The following PDE10A variants were observed in gnomAD, a reference collection of about 807,000 sequenced individuals.
PDE10A encodes the protein phosphodiesterase 10A, also known as cAMP and cAMP-inhibited cGMP 3',5'-cyclic phosphodiesterase 10A.
PDE10A carries 39 observed loss-of-function variants against 97.7 expected under a neutral mutation model. That is an observed-to-expected ratio of 0.40 (90% CI 0.31 to 0.52). PDE10A has a LOEUF of 0.52. Among genes scored for constraint, PDE10A ranks in the 20% least tolerant of loss-of-function variants. The pLI, the probability that PDE10A is intolerant of heterozygous loss-of-function variation, is 0.56. For missense variants in PDE10A, 731 were observed against 1,047.8 expected (o/e 0.70, Z 4.17); for synonymous variants, 371 against 376.8 (o/e 0.98, Z 0.18).
At chr6:165,962,905 G>A (rs1452064951) in intron 1 of PDE10A, among the ~76,000 whole-genome samples, 5 of 152,180 alleles carry the variant, frequency 3.3e-5, no homozygotes, top group Non-Finnish European at 7.3e-5. Context: ...CTGTGGCTTA[G>A]GTGCCATACA....
In PDE10A at chr6:165,413,047, G is replaced by A. The variant is rs1250283439; in HGVS notation, c.2076+454C>T. Among the ~76,000 whole-genome samples the A allele has an allele frequency of 2.6e-5, 4 of 152,182 alleles. No individual in the cohort carries two copies. The East Asian group carries it at 7.8e-4, about 30-fold the overall frequency. ...GACTGAGTTAACACCGAGAATGCAT[G>A]TGACATGGACAACCTGGTGCCTCAC... On this transcript the variant is annotated intron_variant, in intron 13 of 21. Coordinates refer to ENST00000539869, the MANE Select transcript of PDE10A (RefSeq NM_001385079.1).
At chr6:165,570,025 T>C (rs947342318) in intron 1 of PDE10A, among the ~76,000 whole-genome samples, 1 of 152,134 alleles carries the variant, frequency 6.6e-6, no homozygotes, top group African/African-American at 2.4e-5. Context: ...CTAAATTGTG[T>C]TCCTCCAAAA....
chr6:165,670,345 A>T (rs1426122096), intron 1 of PDE10A, among the ~76,000 whole-genome samples: 2 of 152,202 alleles, frequency 1.3e-5, no homozygotes, highest in Non-Finnish European at 2.9e-5. Flanking sequence ...AAAATACAGG[A>T]AACAAAGGGT....
chr6:165,672,259 A>G (rs1482966263), intron 1 of PDE10A, among the ~76,000 whole-genome samples: 1 of 152,234 alleles, frequency 6.6e-6, no homozygotes, highest in African/African-American at 2.4e-5. Flanking sequence ...ACCTTTAAGA[A>G]TACAGACGCT....
At chr6:165,973,344 C>T (rs971141639) in intron 1 of PDE10A, among the ~76,000 whole-genome samples, 7 of 151,302 alleles carry the variant, frequency 4.6e-5, no homozygotes, top group Admixed American at 3.3e-4. Flanking sequence ...ACCCGGGAGG[C>T]GGAGGTGGCA....
At chr6:165,357,833 GCTTT>G (rs1244431958) in intron 18 of PDE10A, among the ~76,000 whole-genome samples, 6 of 151,786 alleles carry the variant, frequency 4.0e-5, no homozygotes, top group Non-Finnish European at 8.8e-5. Flanking sequence ...TCTGTTGCTT[GCTTT>G]ATGTTTTATT....
chr6:165,581,454 A>T (rs924851196), intron 1 of PDE10A, among the ~76,000 whole-genome samples: 1 of 152,120 alleles, frequency 6.6e-6, no homozygotes, highest in African/African-American at 2.4e-5. Context: ...CTCTCAAAAC[A>T]TTTCTCTTGT....
At chr6:165,976,920 G>A (rs182535202) in intron 1 of PDE10A, among the ~76,000 whole-genome samples, 38 of 152,298 alleles carry the variant, frequency 2.5e-4, no homozygotes, top group African/African-American at 6.3e-4. Flanking sequence ...CCTGTGCACC[G>A]GAAGCCTTGG....
chr6:165,639,692 T>C (rs1033111929), intron 1 of PDE10A, among the ~76,000 whole-genome samples: 1 of 146,800 alleles, frequency 6.8e-6, no homozygotes, highest in Non-Finnish European at 1.5e-5. Context: ...GGAGCCGAGG[T>C]TGCACCATTG....
chr6:165,384,492 A>G (rs1223082304), intron 17 of PDE10A, among the ~76,000 whole-genome samples: 4 of 152,010 alleles, frequency 2.6e-5, no homozygotes, highest in Non-Finnish European at 5.9e-5. Flanking sequence ...TCATGACTTA[A>G]TCTCTTCCCA....
At chr6:165,409,184 A>G (rs1436522372) in intron 13 of PDE10A, among the ~76,000 whole-genome samples, 1 of 149,870 alleles carries the variant, frequency 6.7e-6, no homozygotes, top group Non-Finnish European at 1.5e-5. Flanking sequence ...AAAAAAAAAG[A>G]AAAAAGGTAA....
chr6:165,981,746 C>T (rs948613724), intron 1 of PDE10A, among the ~76,000 whole-genome samples: 12 of 152,178 alleles, frequency 7.9e-5, no homozygotes, highest in Non-Finnish European at 8.8e-5. Flanking sequence ...AAAATGCATG[C>T]TTGTATGACT....
intron 1 of PDE10A, among the ~76,000 whole-genome samples, chr6:165,928,680 G>A (rs1783023462): frequency 6.6e-6 from 1 of 150,508 alleles, no homozygotes; most frequent in African/African-American, 2.4e-5. Flanking sequence ...CAACATCCCG[G>A]CTGCTGGTGG....
chr6:165,396,519 T>A, intron 13 of PDE10A, 60 bp from the exon 14 acceptor site: 1 of 1,498,248 alleles, frequency 6.7e-7, no homozygotes, highest in Non-Finnish European at 9.1e-7. Context: ...AACTGTTTTG[T>A]CACGGAAGTT....
intron 2 of PDE10A, among the ~76,000 whole-genome samples, chr6:165,507,791 T>G (rs1562531100): frequency 6.6e-6 from 1 of 152,062 alleles, no homozygotes; most frequent in Non-Finnish European, 1.5e-5. Flanking sequence ...TTTTACGGTT[T>G]TAGTCTCAAA....
At chr6:165,771,920 G>A (rs1262388941) in intron 1 of PDE10A, among the ~76,000 whole-genome samples, 2 of 152,314 alleles carry the variant, frequency 1.3e-5, no homozygotes, top group East Asian at 1.9e-4. Context: ...CAGAGAGACC[G>A]GGGCACCAGA....
intron 1 of PDE10A, among the ~76,000 whole-genome samples, chr6:165,681,677 A>T (rs527520062): frequency 1.3e-5 from 2 of 152,172 alleles, no homozygotes; most frequent in African/African-American, 4.8e-5. Context: ...CAAATTGTGA[A>T]CCAAGCCTGC....
intron 1 of PDE10A, among the ~76,000 whole-genome samples, chr6:165,569,214 C>T (rs1364138830): frequency 2.0e-5 from 3 of 152,114 alleles, no homozygotes; most frequent in African/African-American, 4.8e-5. Flanking sequence ...CTTTACTTCA[C>T]GTTATATTTC....
intron 2 of PDE10A, among the ~76,000 whole-genome samples, chr6:165,501,624 A>T (rs545098809): frequency 2.0e-5 from 3 of 152,146 alleles, no homozygotes; most frequent in African/African-American, 7.2e-5. Context: ...TAGAATGAAT[A>T]TGTGAGTTCA....
Sources: allele counts gnomAD v4.1 joint callset (sites outside exome capture counted in the v4.1 genomes callset), GRCh38; gene constraint gnomAD v4.1.1; transcripts MANE v1.5; gene names NCBI Gene and HGNC (gene_info 2026-07-23, HGNC 2026-07-21).